ARHGAP30: variants seen among roughly 807,000 people sequenced by gnomAD.
The protein encoded by ARHGAP30 is rho GTPase-activating protein 30.
A neutral mutation model predicts 72.0 loss-of-function variants in ARHGAP30; 23 were observed. The observed-to-expected ratio is 0.32, with a 90% confidence interval of 0.23 to 0.45. ARHGAP30 has a LOEUF of 0.45. Ranked by LOEUF, ARHGAP30 falls within the 20% of genes least tolerant of loss-of-function variation. The pLI is 1.00. For synonymous variants in ARHGAP30, 576 were observed against 528.2 expected, an observed-to-expected ratio of 1.09 and a Z score of -1.24; for missense variants, 1,319 against 1,383.4, an observed-to-expected ratio of 0.95 and a Z score of 0.74.
At position 161,051,727 on chromosome 1, in the gene ARHGAP30, A is replaced by G. The variant is rs765686738; in HGVS notation, c.1019-12T>C. 6 of 1,591,616 alleles carry G rather than the reference A, an allele frequency of 3.8e-6. No homozygotes were observed. Among genetic ancestry groups the G allele is most frequent in the Non-Finnish European group, 5.1e-6 (6 of 1,169,548 alleles). On this transcript the variant is annotated splice_polypyrimidine_tract_variant and intron_variant, in intron 9 of 11. Coordinates refer to ENST00000368013, the MANE Select transcript of ARHGAP30 (RefSeq NM_001025598.2). The stretch of plus-strand genomic sequence containing the variant: ...CAGCCCCTCTGGCTCTGTGGAGGAA[A>G]AAGAGGGCCAGGTAGGCAATAGCCT...
At position 161,053,313 on chromosome 1, in the gene ARHGAP30, G is replaced by A. The variant is rs1388371403; in HGVS notation, c.609C>T (p.Val203=). 4 of 1,613,870 alleles carry A rather than the reference G, an allele frequency of 2.5e-6. No homozygotes were observed. Among genetic ancestry groups the A allele is most frequent in the African/African-American group, 1.3e-5 (1 of 74,908 alleles). ...AFMEVRVQSI[V]VEFILTHVDQ... ...CCACGTGTGTGAGGATGAACTCCAC[G>A]ACGATGGATTGTACCCGCACCTCCA... The change falls in exon 6 of 12, where the codon GTC becomes GTT. Residue 203 remains valine (V), a synonymous_variant. Transcript: ENST00000368013.
chr1:161,052,790 C>A lies in ARHGAP30; in HGVS notation c.672G>T (p.Glu224Asp). 2 of 1,610,674 alleles carry A rather than the reference C, an allele frequency of 1.2e-6. No individual in the cohort carries two copies. Among genetic ancestry groups the A allele is most frequent in the Non-Finnish European group, 1.7e-6 (2 of 1,179,280 alleles). Residue 224 changes from glutamate (E) to aspartate (D), a missense_variant, in exon 7 of 12, where the codon GAG (glutamate) becomes GAT (aspartate). Around this residue, in one of 2 missense-constraint regions of ARHGAP30, gnomAD observed 222 missense variants for 338.2 expected, o/e 0.66. Transcript: ENST00000368013. ...LFGGAALSGG[E>D]VESGWRSLPG... ...GAAGCGATCGCCACCCACTCTCCAC[C>A]TCACCACCTGGGAAAAGAAAAGGAA...
chr1:161,049,574 G>A lies in ARHGAP30; in HGVS notation c.1536C>T (p.Phe512=). Residue 512 remains phenylalanine (F), a synonymous_variant, in exon 11 of 12, where the codon TTC becomes TTT. Transcript: ENST00000368013. Reference sequence around the variant, plus strand: ...GTTCTGAGCTGCTTGAGTCCTCTAGGAAGGAGAAGGAGTCCTGCACCTCCT... The same window carrying A: ...GTTCTGAGCTGCTTGAGTCCTCTAGAAAGGAGAAGGAGTCCTGCACCTCCT... ...LSQEVQDSFS[F]LEDSSSSEPE... 1 of 1,614,120 alleles carries A rather than the reference G, an allele frequency of 6.2e-7. No individual in the cohort carries two copies. Among genetic ancestry groups the A allele is most frequent in the Non-Finnish European group, 8.5e-7 (1 of 1,180,012 alleles).
chr1:161,056,042 A>C (rs187781524), intron 3 of ARHGAP30, among the ~76,000 whole-genome samples: 1 of 152,100 alleles, frequency 6.6e-6, no homozygotes, highest in Non-Finnish European at 1.5e-5. Context: ...TGATTCTCTT[A>C]AGTGTAGGGA....
At chr1:161,060,536 C>T (rs1344948405) in intron 1 of ARHGAP30, among the ~76,000 whole-genome samples, 2 of 144,272 alleles carry the variant, frequency 1.4e-5, no homozygotes, top group Non-Finnish European at 3.0e-5. Flanking sequence ...GTGGAGGTTT[C>T]AGTGAGCTGA....
At chr1:161,052,231 C>T (rs1052283316) in intron 9 of ARHGAP30, 55 bp downstream of exon 9, 1 of 1,593,438 alleles carries the variant, frequency 6.3e-7, no homozygotes, top group Non-Finnish European at 8.6e-7. Flanking sequence ...CACACAAGCC[C>T]ACGCTGGTCA....
intron 10 of ARHGAP30, 87 bp from the exon 11 acceptor site, chr1:161,049,776 G>A: frequency 6.7e-7 from 1 of 1,494,644 alleles, no homozygotes; most frequent in Non-Finnish European, 9.0e-7. Context: ...ATATAGCAGG[G>A]GCCCAGCACT....
At chr1:161,066,161 A>G (rs965091173) in intron 1 of ARHGAP30, among the ~76,000 whole-genome samples, 5 of 150,866 alleles carry the variant, frequency 3.3e-5, no homozygotes. Context: ...CACCATGCTC[A>G]GCCAACCAAA....
chr1:161,064,837 G>GAA (rs1491212607), intron 1 of ARHGAP30, among the ~76,000 whole-genome samples: 2 of 99,456 alleles, frequency 2.0e-5, no homozygotes, highest in African/African-American at 4.8e-5. Context: ...GAAAGAGAAA[G>GAA]AAAGAAAGAA....
In ARHGAP30 at chr1:161,048,845, C is replaced by A; in HGVS notation, c.2176G>T (p.Ala726Ser). Residue 726 changes from alanine (A) to serine (S), a missense_variant, in exon 12 of 12, where the codon GCT becomes TCT. By Grantham distance (99) the Ala-to-Ser change is moderately conservative. Coordinates refer to ENST00000368013, the MANE Select transcript of ARHGAP30 (RefSeq NM_001025598.2). ...ACACCTTTAGCCTCCATACTGTCAGCCTTCTTCTGACCTTTGGACTTCTCT... is the reference window on the plus strand; with the variant it reads ...ACACCTTTAGCCTCCATACTGTCAGACTTCTTCTGACCTTTGGACTTCTCT... ...KEEKSKGQKK[A>S]DSMEAKGVEE... is the part of the protein sequence containing the mutation. The A allele has an allele frequency of 6.2e-7, 1 of 1,614,142 alleles. No individual in the cohort carries two copies. Among genetic ancestry groups the A allele is most frequent in the South Asian group, 1.1e-5 (1 of 91,082 alleles).
intron 9 of ARHGAP30, among the ~76,000 whole-genome samples, chr1:161,051,967 TCACCACCACCACCACCA>T: frequency 3.4e-5 from 1 of 29,212 alleles, no homozygotes; most frequent in South Asian, 1.3e-3. Flanking sequence ...CTGGCCGTTG[TCACCACCACCACCACCA>T]CCACCACCAC....
intron 1 of ARHGAP30, among the ~76,000 whole-genome samples, chr1:161,067,452 C>T (rs889607376): frequency 2.0e-5 from 3 of 152,038 alleles, no homozygotes; most frequent in African/African-American, 7.3e-5. Context: ...TGCCTGTAAT[C>T]CCAGCTACTC....
Position 161,047,577 on chromosome 1 carries a change from C to CA in ARHGAP30, c.*137dup. On this transcript the variant is annotated 3_prime_UTR_variant, in exon 12 of 12. Transcript: ENST00000368013. ...CAACCAAGGCAGTGCCTCCCACAGT[C>CA]AAAGAGAGAAGCTGGAGGGCCAAAG... 1.1e-6 allele frequency: 1 copy of CA among 925,034 alleles called. No individual in the cohort carries two copies. The highest frequency in any genetic ancestry group is 1.5e-6 in the Non-Finnish European group (1 of 661,104). 57.3% of individuals were successfully genotyped at this position (925,034 alleles called of 1,614,324 possible).
intron 5 of ARHGAP30, 77 bp from the exon 6 acceptor site, chr1:161,053,462 TTCTCTCTCTCTCTCTCTCTCTCTCTCTC>T: frequency 1.5e-6 from 1 of 689,136 alleles, no homozygotes; most frequent in African/African-American, 2.4e-5. Flanking sequence ...AAATACCTTA[TTCTCTCTCTCTCTCTCTCTCTCTCTCTC>T]TCTCTCTCTC....
rs1489312945 is a variant in ARHGAP30, at chr1:161,051,457, G to T, written c.1277C>A (p.Ser426Tyr). The change falls in exon 10 of 12, where the codon TCT becomes TAT. Residue 426 changes from serine to tyrosine, a missense_variant. This residue lies in a region of ARHGAP30 where 1,097 missense variants were observed against 1,045.2 expected (regional missense o/e 1.05). Transcript: ENST00000368013. The part of the protein sequence containing the change: ...YNVNLPLHIT[S>Y]ILSVPPNIIS... ...GATGTTCGGGGGCACACTGAGGATA[G>T]AGGTGATGTGTAGCGGGAGGTTGAC... is the stretch of plus-strand genomic sequence containing the variant. 1 of 1,614,276 alleles carries T rather than the reference G, an allele frequency of 6.2e-7. No individual in the cohort carries two copies. The highest frequency in any genetic ancestry group is 1.3e-5 in the African/African-American group (1 of 75,078).
At chr1:161,068,488 T>C (rs1052329303) in intron 1 of ARHGAP30, among the ~76,000 whole-genome samples, 7 of 151,880 alleles carry the variant, frequency 4.6e-5, no homozygotes, top group African/African-American at 1.7e-4. Context: ...GGAACCACCA[T>C]CACCCTCCCT....
chr1:161,066,070 G>A (rs1652744593), intron 1 of ARHGAP30, among the ~76,000 whole-genome samples: 2 of 150,214 alleles, frequency 1.3e-5, no homozygotes, highest in Non-Finnish European at 3.0e-5. Flanking sequence ...TCACCATGTT[G>A]GCCAGGCTGG....
In ARHGAP30 at chr1:161,048,741, T is replaced by C; in HGVS notation, c.2280A>G (p.Glu760=). Residue 760 remains glutamate (E), a synonymous_variant, in exon 12 of 12, where the codon GAA becomes GAG. Transcript: ENST00000368013. ...IEREEDEQRE[E]AQVEAGRDLE... ...GGTCCCTTCCAGCTTCTACCTGGGCTTCCTCTCTTTGTTCATCCTCTTCTC... is the reference window on the plus strand; with the variant it reads ...GGTCCCTTCCAGCTTCTACCTGGGCCTCCTCTCTTTGTTCATCCTCTTCTC... 1 of 1,614,118 alleles carries C rather than the reference T, an allele frequency of 6.2e-7. No individual in the cohort carries two copies. Among genetic ancestry groups the C allele is most frequent in the Non-Finnish European group, 8.5e-7 (1 of 1,180,022 alleles).
At chr1:161,066,154 C>G (rs1455462880) in intron 1 of ARHGAP30, among the ~76,000 whole-genome samples, 1 of 151,370 alleles carries the variant, frequency 6.6e-6, no homozygotes, top group Non-Finnish European at 1.5e-5. Context: ...CGTGAGCCAC[C>G]ATGCTCAGCC....
Sources: gnomAD v4.1 joint callset for allele counts (sites outside exome capture counted in the v4.1 genomes callset) on GRCh38, gnomAD v4.1.1 for gene constraint, gnomAD v4.1.1 regional missense constraint, MANE v1.5 for transcripts, NCBI Gene and HGNC (gene_info 2026-07-23, HGNC 2026-07-21) for gene names.